Variants in DSCAML1 observed in about 807,000 individuals in gnomAD.
DSCAML1 encodes the protein DS cell adhesion molecule like 1.
A neutral mutation model predicts 200.5 loss-of-function variants in DSCAML1; 38 were observed. The observed-to-expected ratio is 0.19, with a 90% CI of 0.15 to 0.25. The LOEUF is 0.25. Ranked by LOEUF, DSCAML1 falls within the 10% of genes least tolerant of loss-of-function variation. DSCAML1 has a pLI of 1.00. For missense variants in DSCAML1, 2,223 were observed against 2,858.8 expected, an observed-to-expected ratio of 0.78 and a Z score of 5.07; for synonymous variants, 1,215 against 1,165.0, an observed-to-expected ratio of 1.04 and a Z score of -0.87.
intron 21 of DSCAML1, among the ~76,000 whole-genome samples, chr11:117,441,898 T>C (rs2048057667): frequency 6.6e-6 from 1 of 152,138 alleles, no homozygotes; most frequent in Non-Finnish European, 1.5e-5. Flanking sequence ...TTCTCAGAGT[T>C]TCTCCAGAGA....
intron 3 of DSCAML1, among the ~76,000 whole-genome samples, chr11:117,726,390 T>C (rs2054131847): frequency 6.6e-6 from 1 of 152,052 alleles, no homozygotes; most frequent in Non-Finnish European, 1.5e-5. Context: ...GGGCAATTTG[T>C]TGTTGTTAGT....
chr11:117,480,296 TG>T lies in DSCAML1; in HGVS notation c.2785+146del, dbSNP rs929595279. 3.2e-6 allele frequency: 4 copies of T among 1,269,154 alleles called. No homozygotes were observed. The highest frequency in any genetic ancestry group is 4.3e-6 in the Non-Finnish European group (4 of 923,350). 78.6% of individuals were successfully genotyped at this position (1,269,154 alleles called of 1,614,324 possible). A position where few individuals can be genotyped will look rare whatever the true frequency, so the allele number is the denominator to read the frequency against. ...TGTCCCTCCCTTCAGAAGCCACAGCTGCTTGTGCACTGGTGGGTGCTTGTGT... is the reference window on the plus strand; with the variant it reads ...TGTCCCTCCCTTCAGAAGCCACAGCTCTTGTGCACTGGTGGGTGCTTGTGT... On this transcript the variant is annotated intron_variant, in intron 14 of 32. Coordinates refer to ENST00000651296, the MANE Select transcript of DSCAML1 (RefSeq NM_020693.4). The surrounding 1 kb of genome is among the most constrained non-coding windows in gnomAD (Gnocchi z 4.1).
intron 1 of DSCAML1, among the ~76,000 whole-genome samples, chr11:117,803,639 C>G (rs78864851): frequency 1.3e-5 from 2 of 152,262 alleles, no homozygotes; most frequent in East Asian, 3.9e-4. Flanking sequence ...AACCTGAATC[C>G]GTCCCAGGAA....
intron 3 of DSCAML1, among the ~76,000 whole-genome samples, chr11:117,549,258 C>T (rs1458458060): frequency 6.6e-6 from 1 of 152,240 alleles, no homozygotes; most frequent in African/African-American, 2.4e-5. Context: ...CATTCCCCTG[C>T]CTCCCAGTCC....
At chr11:117,748,318 ACT>A (rs1370407066) in intron 3 of DSCAML1, among the ~76,000 whole-genome samples, 1 of 152,178 alleles carries the variant, frequency 6.6e-6, no homozygotes, top group Non-Finnish European at 1.5e-5. Context: ...GAAACGTCAC[ACT>A]GACCCTGAGC....
chr11:117,519,305 C>T (rs1280272666), intron 6 of DSCAML1, among the ~76,000 whole-genome samples: 2 of 152,152 alleles, frequency 1.3e-5, no homozygotes, highest in East Asian at 1.9e-4. Flanking sequence ...GCGCTGCAAC[C>T]CTGTTAGCAC....
intron 3 of DSCAML1, among the ~76,000 whole-genome samples, chr11:117,575,064 G>A (rs373016729): frequency 9.9e-5 from 15 of 152,274 alleles, no homozygotes; most frequent in Middle Eastern, 3.4e-3. Context: ...GGTCATAGGC[G>A]CCTGTAATCC....
intron 14 of DSCAML1, among the ~76,000 whole-genome samples, chr11:117,472,873 C>T (rs550253658): frequency 4.5e-4 from 68 of 152,240 alleles, no homozygotes; most frequent in African/African-American, 1.4e-3. Flanking sequence ...CCAGAGGAAA[C>T]GGGAAGGAGT....
intron 11 of DSCAML1, among the ~76,000 whole-genome samples, chr11:117,491,035 G>C (rs2049172001): frequency 6.6e-6 from 1 of 152,190 alleles, no homozygotes; most frequent in Non-Finnish European, 1.5e-5. Flanking sequence ...AAGTCCCCAA[G>C]TCACCAGGGA....
intron 3 of DSCAML1, among the ~76,000 whole-genome samples, chr11:117,748,939 C>A (rs1356033505): frequency 1.3e-5 from 2 of 152,208 alleles, no homozygotes; most frequent in African/African-American, 4.8e-5. Flanking sequence ...GAGCAGCTCT[C>A]CAGTGCAGAG....
intron 3 of DSCAML1, among the ~76,000 whole-genome samples, chr11:117,689,004 C>T (rs1007079262): frequency 6.6e-6 from 1 of 152,132 alleles, no homozygotes; most frequent in African/African-American, 2.4e-5. Flanking sequence ...AACAGAGACC[C>T]CTTCCATGCC....
At chr11:117,761,633 G>A (rs1362225769) in intron 3 of DSCAML1, among the ~76,000 whole-genome samples, 3 of 152,228 alleles carry the variant, frequency 2.0e-5, no homozygotes, top group Non-Finnish European at 2.9e-5. Flanking sequence ...CACTTTGGAA[G>A]GCTGAGGTGG....
intron 1 of DSCAML1, among the ~76,000 whole-genome samples, chr11:117,811,708 C>T (rs2055762305): frequency 1.3e-5 from 2 of 152,182 alleles, no homozygotes; most frequent in Admixed American, 1.3e-4. Flanking sequence ...TGGCCCAAGG[C>T]TCCCTGACTG....
intron 24 of DSCAML1, among the ~76,000 whole-genome samples, chr11:117,438,443 C>G (rs918156531): frequency 6.6e-6 from 1 of 152,102 alleles, no homozygotes; most frequent in African/African-American, 2.4e-5. Flanking sequence ...GATCTAGACA[C>G]GGCCCCCTGA....
chr11:117,584,998 G>A (rs2051115104), intron 3 of DSCAML1, among the ~76,000 whole-genome samples: 1 of 152,286 alleles, frequency 6.6e-6, no homozygotes, highest in East Asian at 1.9e-4. Context: ...TGAAGGCATC[G>A]AAAATATTCC....
chr11:117,620,792 C>A (rs1252424485), intron 3 of DSCAML1, among the ~76,000 whole-genome samples: 3 of 152,192 alleles, frequency 2.0e-5, no homozygotes, highest in Non-Finnish European at 4.4e-5. Flanking sequence ...ATTCCCTTTT[C>A]ATCACTTATT....
At chr11:117,482,923 T>G (rs1246811074) in intron 11 of DSCAML1, among the ~76,000 whole-genome samples, 1 of 152,148 alleles carries the variant, frequency 6.6e-6, no homozygotes, top group Non-Finnish European at 1.5e-5. Context: ...TTTATCTCCC[T>G]CCTGTTCCTT....
At chr11:117,506,523 G>A (rs188183533) in intron 8 of DSCAML1, among the ~76,000 whole-genome samples, 294 of 147,912 alleles carry the variant, frequency 2.0e-3, no homozygotes, top group African/African-American at 7.2e-3. Context: ...CCCCAGACAT[G>A]CCCAGACAAG....
intron 3 of DSCAML1, among the ~76,000 whole-genome samples, chr11:117,733,782 G>A (rs1194232614): frequency 6.6e-6 from 1 of 150,740 alleles, no homozygotes; most frequent in Non-Finnish European, 1.5e-5. Context: ...TGTAAAACAT[G>A]CATCTTGTCT....
Sources: gnomAD v4.1 joint callset for allele counts (sites outside exome capture counted in the v4.1 genomes callset) on GRCh38, gnomAD v4.1.1 for gene constraint, Gnocchi (gnomAD v3.1) non-coding constraint, MANE v1.5 for transcripts, NCBI Gene and HGNC (gene_info 2026-07-23, HGNC 2026-07-21) for gene names.